GABRA5: variants seen among roughly 807,000 people sequenced by gnomAD.
GABRA5 encodes the protein gamma-aminobutyric acid type A receptor subunit alpha5.
A neutral mutation model predicts 47.3 loss-of-function variants in GABRA5; 18 were observed. The observed-to-expected ratio is 0.38, with a 90% confidence interval of 0.26 to 0.56. The LOEUF (loss-of-function observed/expected upper bound fraction) is 0.56, where lower values mean the gene tolerates loss of function less well. Ranked by LOEUF, GABRA5 falls within the 20% of genes least tolerant of loss-of-function variation. The probability of loss-of-function intolerance (pLI) is 0.71; values close to 1 mark genes in which losing one functional copy is unlikely to be tolerated. For synonymous variants in GABRA5, 237 were observed against 229.3 expected (o/e 1.03, Z -0.30); for missense variants, 365 against 599.3 (o/e 0.61, Z 4.08).
chr15:26,903,653 G>A (rs1275191800), intron 6 of GABRA5, among the ~76,000 whole-genome samples: 1 of 152,138 alleles, frequency 6.6e-6, no homozygotes, highest in Non-Finnish European at 1.5e-5. Flanking sequence ...CCATTTGACT[G>A]GTGTGAGATG....
At chr15:26,889,037 A>T (rs967740962) in intron 6 of GABRA5, among the ~76,000 whole-genome samples, 1 of 152,252 alleles carries the variant, frequency 6.6e-6, no homozygotes, top group Non-Finnish European at 1.5e-5. Flanking sequence ...TAGAATGTTG[A>T]CATTTTTACA....
chr15:26,883,249 T>C lies in GABRA5; in HGVS notation c.276+16T>C. On this transcript the variant is annotated intron_variant, in intron 5 of 10. Transcript: ENST00000335625. This position sits in a 1 kb window ranked among gnomAD's most constrained non-coding sequence, Gnocchi z 4.8. ...CACGGAAATGGTAGGTCCCGGGGCA[T>C]GGCTGGGCAGACAATTCTTACTCCG... 6.2e-7 allele frequency: 1 copy of C among 1,613,648 alleles called. No homozygotes were observed. The highest frequency in any genetic ancestry group is 1.1e-5 in the South Asian group (1 of 91,082).
At chr15:26,869,993 G>T (rs920358837) in intron 3 of GABRA5, among the ~76,000 whole-genome samples, 1 of 152,060 alleles carries the variant, frequency 6.6e-6, no homozygotes, top group African/African-American at 2.4e-5. Context: ...AACCCACATC[G>T]TGGATGAATG....
In GABRA5 at chr15:26,909,855, A is replaced by G. The variant is rs571366372; in HGVS notation, c.498-4948A>G. The stretch of plus-strand genomic sequence containing the variant: ...GGGTTTTGTGCATTGGCACATGGAC[A>G]TATTTGCAGTGCTGTTATTTTGCCT... On this transcript the variant is annotated intron_variant, in intron 6 of 10. Transcript: ENST00000335625. Among the ~76,000 whole-genome samples, 51 of 152,290 alleles carry G rather than the reference A, an allele frequency of 3.3e-4. 1 individual carries two copies. Among genetic ancestry groups the G allele is most frequent in the African/African-American group, 1.2e-3 (51 of 41,562 alleles).
intron 3 of GABRA5, among the ~76,000 whole-genome samples, chr15:26,874,266 C>T (rs149968053): frequency 1.1e-4 from 17 of 152,242 alleles, no homozygotes; most frequent in African/African-American, 3.6e-4. Context: ...GTATCATATA[C>T]ACTCATTTAT....
intron 6 of GABRA5, among the ~76,000 whole-genome samples, chr15:26,913,346 A>C (rs1595419263): frequency 6.6e-6 from 1 of 151,860 alleles, no homozygotes; most frequent in African/African-American, 2.4e-5. Flanking sequence ...ATGGACACAG[A>C]CCTCCCTTCC....
intron 7 of GABRA5, among the ~76,000 whole-genome samples, chr15:26,916,348 G>T (rs1893717358): frequency 6.6e-6 from 1 of 151,868 alleles, no homozygotes; most frequent in African/African-American, 2.4e-5. Flanking sequence ...CCTCATTTTT[G>T]TATTCTTGGC....
At chr15:26,885,945 TA>T (rs1252456529) in intron 6 of GABRA5, among the ~76,000 whole-genome samples, 1 of 152,226 alleles carries the variant, frequency 6.6e-6, no homozygotes, top group Admixed American at 6.5e-5. Flanking sequence ...ATTCTCATCC[TA>T]ATTAAATCTA....
At chr15:26,937,045 C>G in intron 7 of GABRA5, 140 bp from the exon 8 acceptor site, 1 of 985,050 alleles carries the variant, frequency 1.0e-6, no homozygotes, top group Non-Finnish European at 1.6e-6. Flanking sequence ...TCCAACCACC[C>G]TATGCATTTT....
intron 3 of GABRA5, among the ~76,000 whole-genome samples, chr15:26,877,954 A>T (rs1407038496): frequency 6.6e-6 from 1 of 152,212 alleles, no homozygotes; most frequent in East Asian, 1.9e-4. Flanking sequence ...TTTGTCCTTG[A>T]AGCACTCGTG....
chr15:26,911,170 A>AGAATTC (rs1893574467), intron 6 of GABRA5, among the ~76,000 whole-genome samples: 1 of 57,908 alleles, frequency 1.7e-5, no homozygotes, highest in Non-Finnish European at 3.7e-5. Flanking sequence ...CCTGAGGTTT[A>AGAATTC]GAATTCTAAG....
intron 7 of GABRA5, among the ~76,000 whole-genome samples, chr15:26,923,218 A>T (rs995064725): frequency 6.6e-6 from 1 of 152,080 alleles, no homozygotes; most frequent in Non-Finnish European, 1.5e-5. Context: ...GTGTTCCAAG[A>T]TTCATTCTTT....
intron 7 of GABRA5, among the ~76,000 whole-genome samples, chr15:26,927,259 A>G (rs955740587): frequency 2.0e-5 from 3 of 146,572 alleles, no homozygotes; most frequent in African/African-American, 7.7e-5. Context: ...GCCCGCCACC[A>G]TGTCCAGCTA....
At chr15:26,893,923 A>G (rs1450611058) in intron 6 of GABRA5, among the ~76,000 whole-genome samples, 1 of 152,116 alleles carries the variant, frequency 6.6e-6, no homozygotes, top group Non-Finnish European at 1.5e-5. Context: ...GGCAGCAGGA[A>G]ATCAGACCTC....
intron 9 of GABRA5, 57 bp from the exon 10 acceptor site, chr15:26,943,158 G>C: frequency 7.6e-7 from 1 of 1,310,836 alleles, no homozygotes; most frequent in Non-Finnish European, 1.1e-6. Context: ...TGGGGTCCTG[G>C]GTGCCAGCAC....
intron 6 of GABRA5, among the ~76,000 whole-genome samples, chr15:26,908,295 T>C (rs998024315): frequency 6.6e-6 from 1 of 152,154 alleles, no homozygotes; most frequent in East Asian, 1.9e-4. Flanking sequence ...GTGTGCATGA[T>C]GTGAATCTCC....
In GABRA5 at chr15:26,939,891, G is replaced by C. The variant is rs773756749; in HGVS notation, c.725-34G>C. ...TTGGATGCAGCAAGCAGAGACTCTA[G>C]GGGACTGATGTGCAGTCATTTGCTT... On this transcript the variant is annotated intron_variant, in intron 8 of 10. Transcript: ENST00000335625. 4.0e-5 allele frequency: 64 copies of C among 1,610,992 alleles called. No individual in the cohort carries two copies. The African/African-American group carries it at 7.2e-4, about 18-fold the overall frequency.
chr15:26,946,254 T>C lies in GABRA5; in HGVS notation c.1090-1680T>C, dbSNP rs539936723. On this transcript the variant is annotated intron_variant, in intron 10 of 10. Transcript: ENST00000335625. The stretch of plus-strand genomic sequence containing the variant: ...TTTAATTAATGAGACTATATTACTT[T>C]AGTAGTGGAACACAGGTTGTCTAAC... 3.9e-5 allele frequency among the ~76,000 whole-genome samples: 6 copies of C among 152,344 alleles called. No homozygotes were observed. In the East Asian group the frequency reaches 1.2e-3, roughly 29 times the overall value.
At chr15:26,899,801 G>A (rs965362850) in intron 6 of GABRA5, among the ~76,000 whole-genome samples, 5 of 151,984 alleles carry the variant, frequency 3.3e-5, no homozygotes, top group African/African-American at 1.2e-4. Context: ...ATGAGTCCTC[G>A]TACATGATAA....
Sources: allele counts gnomAD v4.1 joint callset (sites outside exome capture counted in the v4.1 genomes callset), GRCh38; gene constraint gnomAD v4.1.1; non-coding constraint Gnocchi (gnomAD v3.1); transcripts MANE v1.5; gene names NCBI Gene and HGNC (gene_info 2026-07-23, HGNC 2026-07-21).